Variants in RALYL observed in about 807,000 individuals in gnomAD.
RALYL encodes RALY RNA binding protein like, also known as RNA-binding Raly-like protein.
Under a neutral mutation model 35.1 loss-of-function variants are expected in RALYL, and 29 were observed. That is an observed-to-expected ratio of 0.83 (90% confidence interval 0.61 to 1.13). RALYL has a LOEUF of 1.13. RALYL is among the 50% of genes most tolerant of loss of function. The pLI, the probability that RALYL is intolerant of heterozygous loss-of-function variation, is 0.00. For synonymous variants in RALYL, 120 were observed against 127.6 expected (o/e 0.94, Z 0.40); for missense variants, 359 against 360.4 (o/e 1.00, Z 0.03).
chr8:84,728,633 T>C (rs1421288491), intron 2 of RALYL, among the ~76,000 whole-genome samples: 1 of 152,154 alleles, frequency 6.6e-6, no homozygotes, highest in Non-Finnish European at 1.5e-5. Flanking sequence ...CTTTAATCCA[T>C]CTTGAATTGA....
intron 4 of RALYL, among the ~76,000 whole-genome samples, chr8:84,839,821 G>C (rs185310246): frequency 8.5e-5 from 13 of 152,314 alleles, no homozygotes; most frequent in Admixed American, 3.3e-4. Context: ...AATATCTGCT[G>C]TTCTGCAGCC....
chr8:84,210,374 G>A (rs1462685219), intron 1 of RALYL, among the ~76,000 whole-genome samples: 1 of 144,904 alleles, frequency 6.9e-6, no homozygotes, highest in Non-Finnish European at 1.5e-5. Flanking sequence ...TTCTCAAATT[G>A]GATTTTTTTT....
At chr8:84,322,114 A>T (rs1844965449) in intron 1 of RALYL, among the ~76,000 whole-genome samples, 1 of 152,222 alleles carries the variant, frequency 6.6e-6, no homozygotes, top group Middle Eastern at 3.4e-3. Flanking sequence ...CTGATACATA[A>T]AGCAGACAAA....
chr8:84,751,725 C>A (rs1471316737), intron 2 of RALYL, among the ~76,000 whole-genome samples: 1 of 152,084 alleles, frequency 6.6e-6, no homozygotes, highest in Admixed American at 6.6e-5. Context: ...TTCCTCCTGC[C>A]TGGCCATATG....
chr8:84,681,867 CA>C (rs1835600205), intron 2 of RALYL, among the ~76,000 whole-genome samples: 1 of 152,150 alleles, frequency 6.6e-6, no homozygotes. Flanking sequence ...CCAGAACTTC[CA>C]ACACTATGTT....
chr8:84,871,191 G>T (rs1175928813), intron 6 of RALYL, among the ~76,000 whole-genome samples: 1 of 152,174 alleles, frequency 6.6e-6, no homozygotes, highest in African/African-American at 2.4e-5. Flanking sequence ...TTCTTTCAGT[G>T]CTAGACCTGA....
rs1313475714 is a variant in RALYL, at chr8:84,551,852, CT to C, written c.256+22276del. Among the ~76,000 whole-genome samples, 3 of 152,192 alleles carry C rather than the reference CT, an allele frequency of 2.0e-5. No individual in the cohort carries two copies. In the East Asian group the frequency reaches 5.8e-4, roughly 29 times the overall value. ...ACCCTAGCTTGGACCAAGATGGTAA[CT>C]GTATAAATGAAAAGGAATCATTTAA... On this transcript the variant is annotated intron_variant, in intron 2 of 8. Coordinates refer to ENST00000521268, the MANE Select transcript of RALYL (RefSeq NM_173848.7).
intron 7 of RALYL, among the ~76,000 whole-genome samples, chr8:84,883,590 A>G (rs145901816): frequency 6.6e-6 from 1 of 152,178 alleles, no homozygotes; most frequent in Non-Finnish European, 1.5e-5. Context: ...CACCCCCATC[A>G]TTCAATTATC....
intron 1 of RALYL, among the ~76,000 whole-genome samples, chr8:84,459,967 A>G (rs1415747436): frequency 6.6e-6 from 1 of 151,806 alleles, no homozygotes; most frequent in African/African-American, 2.4e-5. Flanking sequence ...ATAGGTTGAT[A>G]CGAAATTTAG....
At chr8:84,492,286 A>C (rs1408084084) in intron 1 of RALYL, among the ~76,000 whole-genome samples, 1 of 152,118 alleles carries the variant, frequency 6.6e-6, no homozygotes, top group Non-Finnish European at 1.5e-5. Flanking sequence ...TACATTTAGA[A>C]GAAACCACTC....
intron 1 of RALYL, among the ~76,000 whole-genome samples, chr8:84,492,211 T>A (rs1488849772): frequency 6.6e-6 from 1 of 152,052 alleles, no homozygotes; most frequent in South Asian, 2.1e-4. Context: ...AAACCTGTCA[T>A]GGTTAATTTT....
intron 8 of RALYL, among the ~76,000 whole-genome samples, chr8:84,918,354 C>G (rs1374144956): frequency 1.3e-5 from 2 of 151,960 alleles, no homozygotes; most frequent in Non-Finnish European, 2.9e-5. Flanking sequence ...TAGATTAATA[C>G]TATCCATTTC....
intron 1 of RALYL, among the ~76,000 whole-genome samples, chr8:84,204,398 T>C (rs1341394087): frequency 2.6e-5 from 4 of 152,210 alleles, no homozygotes; most frequent in Admixed American, 2.6e-4. Flanking sequence ...AGGTATTTTT[T>C]CTTTCTTACA....
intron 6 of RALYL, among the ~76,000 whole-genome samples, chr8:84,865,243 A>G (rs10092094): frequency 0.49 from 74,779 of 151,936 alleles, 19,634 homozygotes; most frequent in African/African-American, 0.66. Flanking sequence ...TATCAGTGAA[A>G]TTTAAAATAT....
intron 1 of RALYL, among the ~76,000 whole-genome samples, chr8:84,338,067 G>A (rs74317952): frequency 0.019 from 2,813 of 151,940 alleles, 38 homozygotes; most frequent in Non-Finnish European, 0.027. Flanking sequence ...CCGTACTCAG[G>A]TTTTGTAAAG....
At chr8:84,665,949 G>C (rs561115916) in intron 2 of RALYL, 1 of 151,990 alleles carries the variant, frequency 6.6e-6, no homozygotes, top group African/African-American at 2.4e-5. Context: ...AAAAAAATCT[G>C]TCAACAAAGA....
At chr8:84,522,699 C>G (rs2058558703) in intron 1 of RALYL, among the ~76,000 whole-genome samples, 2 of 152,122 alleles carry the variant, frequency 1.3e-5, no homozygotes, top group Non-Finnish European at 1.5e-5. Context: ...CATGGTTTAT[C>G]TTAAAGTACT....
chr8:84,438,747 G>A (rs2048009476), intron 1 of RALYL, among the ~76,000 whole-genome samples: 1 of 151,996 alleles, frequency 6.6e-6, no homozygotes, highest in African/African-American at 2.4e-5. Flanking sequence ...TCCATCTTAA[G>A]TTAATTTTTG....
In RALYL at chr8:84,588,939, C is replaced by T. The variant is rs12056363; in HGVS notation, c.256+59362C>T. 2.0e-5 allele frequency among the ~76,000 whole-genome samples: 3 copies of T among 152,148 alleles called. No individual in the cohort carries two copies. The East Asian group carries it at 5.8e-4, about 29-fold the overall frequency. On this transcript the variant is annotated intron_variant, in intron 2 of 8. Transcript: ENST00000521268. Reference sequence around the variant, plus strand: ...TTGACATGGAGTTTCGCTCTTGTTGCCCAGGTGGAGTGCAATGGCATGATC... The same window carrying T: ...TTGACATGGAGTTTCGCTCTTGTTGTCCAGGTGGAGTGCAATGGCATGATC...
Sources: gnomAD v4.1 joint callset for allele counts (sites outside exome capture counted in the v4.1 genomes callset) on GRCh38, gnomAD v4.1.1 for gene constraint, MANE v1.5 for transcripts, NCBI Gene and HGNC (gene_info 2026-07-23, HGNC 2026-07-21) for gene names.